PCNX2: variants seen among roughly 807,000 people sequenced by gnomAD.
PCNX2 encodes the protein pecanex 2.
Under a neutral mutation model 223.8 loss-of-function variants are expected in PCNX2, and 168 were observed. That is an observed-to-expected ratio of 0.75 (90% CI 0.66 to 0.85). The LOEUF is 0.85. PCNX2 is among the 40% of genes least tolerant of loss of function. The pLI is 0.00. For synonymous variants in PCNX2, 1,006 were observed against 1,052.6 expected, an observed-to-expected ratio of 0.96 and a Z score of 0.86; for missense variants, 2,507 against 2,675.5, an observed-to-expected ratio of 0.94 and a Z score of 1.39.
chr1:233,192,567 T>G (rs566505014), intron 15 of PCNX2, among the ~76,000 whole-genome samples: 10 of 152,072 alleles, frequency 6.6e-5, no homozygotes, highest in African/African-American at 2.2e-4. Context: ...AAATGAGATA[T>G]TTCTCTAAAG....
rs1197465354 is a variant in PCNX2 at position 233,259,057 on chromosome 1, T to C, written c.805A>G (p.Thr269Ala). ...CCCCACGGCTGGAAAGAAACGTCTG[T>C]TTCTAGTAAGTCATACTGAGACAAA... ...LSLSQYDLLE[T>A]DVSFQPWGSE... is the part of the protein sequence containing the mutation. Residue 269 changes from threonine (T) to alanine (A), a missense_variant, in exon 5 of 34, where the codon ACA (threonine) becomes GCA (alanine). Around this residue, in one of 3 missense-constraint regions of PCNX2, gnomAD observed 1,031 missense variants for 1,021.7 expected, o/e 1.01. Transcript: ENST00000258229. 1 of 1,613,960 alleles carries C rather than the reference T, an allele frequency of 6.2e-7. No individual in the cohort carries two copies. The highest frequency in any genetic ancestry group is 2.2e-5 in the East Asian group (1 of 44,850).
At chr1:232,998,209 A>C (rs552157544) in intron 32 of PCNX2, 42 bp downstream of exon 32, 1 of 1,475,514 alleles carries the variant, frequency 6.8e-7, no homozygotes, top group South Asian at 1.5e-5. Context: ...CTGGGACCAA[A>C]TAGGACTTCA....
At chr1:233,153,595 A>C (rs921676059) in intron 19 of PCNX2, among the ~76,000 whole-genome samples, 6 of 152,226 alleles carry the variant, frequency 3.9e-5, no homozygotes, top group Non-Finnish European at 8.8e-5. Flanking sequence ...ATGCTAATGC[A>C]TAAGGGAAGA....
At chr1:233,180,316 T>C (rs879871583) in intron 15 of PCNX2, among the ~76,000 whole-genome samples, 1 of 152,152 alleles carries the variant, frequency 6.6e-6, no homozygotes, top group Non-Finnish European at 1.5e-5. Flanking sequence ...GGGAAATACA[T>C]GTTACCACCC....
At chr1:233,153,199 A>C (rs1036051327) in intron 19 of PCNX2, among the ~76,000 whole-genome samples, 12 of 152,208 alleles carry the variant, frequency 7.9e-5, no homozygotes, top group Non-Finnish European at 1.3e-4. Flanking sequence ...AAGTAGAATA[A>C]AACACTTTGA....
At chr1:233,242,766 T>C (rs922771740) in intron 8 of PCNX2, among the ~76,000 whole-genome samples, 4 of 152,226 alleles carry the variant, frequency 2.6e-5, no homozygotes, top group African/African-American at 9.6e-5. Context: ...TCCAACTTCC[T>C]AGGCAGATAG....
At chr1:233,186,939 A>G (rs770543133) in intron 15 of PCNX2, among the ~76,000 whole-genome samples, 13 of 152,162 alleles carry the variant, frequency 8.5e-5, no homozygotes, top group Non-Finnish European at 1.6e-4. Flanking sequence ...AAACATTAAC[A>G]TTTACTTTCC....
chr1:233,278,427 G>T (rs1329729606), intron 1 of PCNX2, among the ~76,000 whole-genome samples: 1 of 152,160 alleles, frequency 6.6e-6, no homozygotes, highest in Non-Finnish European at 1.5e-5. Flanking sequence ...GGAGAGAGAG[G>T]ATCCTGCAGC....
At chr1:233,191,722 C>T (rs1384205534) in intron 15 of PCNX2, among the ~76,000 whole-genome samples, 2 of 152,186 alleles carry the variant, frequency 1.3e-5, no homozygotes, top group Non-Finnish European at 1.5e-5. Context: ...AAGACCTCTG[C>T]TAACATCACC....
At chr1:233,208,413 C>A in intron 13 of PCNX2, 105 bp downstream of exon 13, 1 of 1,281,484 alleles carries the variant, frequency 7.8e-7, no homozygotes, top group Non-Finnish European at 1.1e-6. Flanking sequence ...AAGTGCACAT[C>A]TCTTCACCCA....
chr1:233,082,513 C>T (rs967194665), intron 23 of PCNX2, among the ~76,000 whole-genome samples: 5 of 152,150 alleles, frequency 3.3e-5, no homozygotes, highest in Admixed American at 6.5e-5. Context: ...ACCTTGCAAA[C>T]GTATCCAAAT....
intron 21 of PCNX2, among the ~76,000 whole-genome samples, chr1:233,105,208 A>G (rs187566537): frequency 1.6e-4 from 24 of 152,350 alleles, no homozygotes; most frequent in Admixed American, 1.4e-3. Flanking sequence ...ATAAAAACAC[A>G]TCATCATCAA....
At chr1:233,323,067 C>T in the PCNX2 span, among the ~76,000 whole-genome samples, 1 of 152,142 alleles carries the variant, frequency 6.6e-6, no homozygotes, top group Non-Finnish European at 1.5e-5. Context: ...CATAAACATC[C>T]ACAATTCTAA....
chr1:233,252,473 ATC>A lies in PCNX2; in HGVS notation c.2007_2008del (p.Gln669HisfsTer11). The A allele has an allele frequency of 1.2e-6, 2 of 1,612,606 alleles. No individual in the cohort carries two copies. The highest frequency in any genetic ancestry group is 1.7e-6 in the Non-Finnish European group (2 of 1,179,012). On this transcript the variant is annotated frameshift_variant, in exon 7 of 34. Coordinates refer to ENST00000258229, the MANE Select transcript of PCNX2 (RefSeq NM_014801.4). LOFTEE classifies it high-confidence loss of function. ...TTGTTGGGAAGTTACCCTGTAGATTATCTGTCTTTGTCTATTGCCCTGAAAAC... is the reference window on the plus strand; with the variant it reads ...TTGTTGGGAAGTTACCCTGTAGATTATGTCTTTGTCTATTGCCCTGAAAAC...
the PCNX2 span, among the ~76,000 whole-genome samples, chr1:233,324,563 T>C: frequency 1.8e-3 from 272 of 152,086 alleles, 1 homozygote; most frequent in Non-Finnish European, 3.0e-3. Flanking sequence ...AAAGCCTGGA[T>C]GACAGCACAT....
chr1:233,068,029 C>T (rs1306766047), intron 23 of PCNX2, among the ~76,000 whole-genome samples: 2 of 151,940 alleles, frequency 1.3e-5, no homozygotes, highest in African/African-American at 4.8e-5. Flanking sequence ...TATAGTCAAG[C>T]TTCTAAAATA....
chr1:233,014,918 G>C, intron 27 of PCNX2, 141 bp from the exon 28 acceptor site: 1 of 527,562 alleles, frequency 1.9e-6, no homozygotes, highest in Non-Finnish European at 3.4e-6. Flanking sequence ...CACAGACAGG[G>C]AATGCTCAGC....
chr1:233,204,202 C>T (rs957036696), intron 13 of PCNX2, among the ~76,000 whole-genome samples: 1 of 152,220 alleles, frequency 6.6e-6, no homozygotes, highest in South Asian at 2.1e-4. Flanking sequence ...GACACAGAGG[C>T]ACACATGCAC....
At chr1:232,998,544 C>T in intron 31 of PCNX2, 106 bp from the exon 32 acceptor site, 2 of 1,250,756 alleles carry the variant, frequency 1.6e-6, no homozygotes, top group South Asian at 1.4e-5. Context: ...GCGTGCTCTC[C>T]AGGTGAGTAG....
Sources: gnomAD v4.1 joint callset for allele counts (sites outside exome capture counted in the v4.1 genomes callset) on GRCh38, gnomAD v4.1.1 for gene constraint, gnomAD v4.1.1 regional missense constraint, MANE v1.5 for transcripts, NCBI Gene and HGNC (gene_info 2026-07-23, HGNC 2026-07-21) for gene names.